The following PIP4K2A variants were observed in gnomAD, a reference collection of about 807,000 sequenced individuals.
PIP4K2A encodes phosphatidylinositol 5-phosphate 4-kinase type-2 alpha.
Under a neutral mutation model 42.9 loss-of-function variants are expected in PIP4K2A, and 14 were observed. That is an observed-to-expected ratio of 0.33 (90% CI 0.22 to 0.51). The LOEUF (loss-of-function observed/expected upper bound fraction) is 0.51, where lower values mean the gene tolerates loss of function less well. Among genes scored for constraint, PIP4K2A ranks in the 20% least tolerant of loss-of-function variants. PIP4K2A has a pLI of 0.97. For missense variants in PIP4K2A, 434 were observed against 519.8 expected (o/e 0.83, Z 1.61); for synonymous variants, 192 against 192.2 (o/e 1.00, Z 0.01).
At chr10:22,538,842 T>G (rs1320952909) in intron 9 of PIP4K2A, among the ~76,000 whole-genome samples, 2 of 152,246 alleles carry the variant, frequency 1.3e-5, no homozygotes, top group African/African-American at 4.8e-5. Context: ...ACAGCAGGAA[T>G]ACCATAGCTA....
At chr10:22,562,714 C>T (rs1012252180) in intron 6 of PIP4K2A, among the ~76,000 whole-genome samples, 8 of 152,196 alleles carry the variant, frequency 5.3e-5, no homozygotes, top group Admixed American at 6.5e-5. Flanking sequence ...TCGTTCTAGA[C>T]GTGCTTCTCT....
chr10:22,568,922 G>T, intron 5 of PIP4K2A: 1 of 1,009,742 alleles, frequency 9.9e-7, no homozygotes, highest in Non-Finnish European at 1.5e-6. Context: ...CTATCGTGAG[G>T]TCAGCCAAGC....
intron 1 of PIP4K2A, among the ~76,000 whole-genome samples, chr10:22,677,522 T>G (rs531826344): frequency 1.2e-4 from 19 of 152,308 alleles, no homozygotes; most frequent in Middle Eastern, 3.4e-3. Flanking sequence ...CAGCCACACG[T>G]GGCTCGTGGC....
chr10:22,616,181 G>C (rs796147192), intron 1 of PIP4K2A, among the ~76,000 whole-genome samples: 4 of 152,288 alleles, frequency 2.6e-5, no homozygotes, highest in African/African-American at 9.6e-5. Flanking sequence ...ACTCAAGAGT[G>C]GGGGCAGGGG....
chr10:22,650,381 G>T (rs1017374268), intron 1 of PIP4K2A, among the ~76,000 whole-genome samples: 8 of 152,110 alleles, frequency 5.3e-5, no homozygotes, highest in African/African-American at 1.9e-4. Flanking sequence ...TCAGCCTCCG[G>T]AGTAGCTGGG....
chr10:22,613,968 T>G (rs927776110), intron 1 of PIP4K2A, among the ~76,000 whole-genome samples: 6 of 152,200 alleles, frequency 3.9e-5, no homozygotes, highest in Non-Finnish European at 8.8e-5. Context: ...GACCTTCACA[T>G]GTAGTAAAAT....
At chr10:22,588,637 A>AAATGAATG (rs746828505) in intron 4 of PIP4K2A, among the ~76,000 whole-genome samples, 127 of 152,348 alleles carry the variant, frequency 8.3e-4, no homozygotes, top group Non-Finnish European at 1.4e-3. Flanking sequence ...ATACATGAAT[A>AAATGAATG]AATGAATGAA....
chr10:22,693,766 GTTTC>G (rs1195293418), intron 1 of PIP4K2A, among the ~76,000 whole-genome samples: 1 of 151,644 alleles, frequency 6.6e-6, no homozygotes, highest in Non-Finnish European at 1.5e-5. Flanking sequence ...ACTGAGCACT[GTTTC>G]TTTATTTTAC....
intron 1 of PIP4K2A, among the ~76,000 whole-genome samples, chr10:22,647,874 G>C (rs1156800016): frequency 6.6e-6 from 1 of 152,206 alleles, no homozygotes; most frequent in African/African-American, 2.4e-5. Context: ...TGGAAGCAGA[G>C]AGCTGGGAAA....
At chr10:22,615,782 ATGGT>A (rs969196174) in intron 1 of PIP4K2A, among the ~76,000 whole-genome samples, 3 of 152,202 alleles carry the variant, frequency 2.0e-5, no homozygotes, top group African/African-American at 7.2e-5. Flanking sequence ...CAAATACTTA[ATGGT>A]TGTCAATCCC....
At chr10:22,566,182 T>C (rs1263887000) in intron 6 of PIP4K2A, among the ~76,000 whole-genome samples, 1 of 152,172 alleles carries the variant, frequency 6.6e-6, no homozygotes, top group Non-Finnish European at 1.5e-5. Context: ...ACTTGCTGTT[T>C]TTTGTGGCTT....
chr10:22,548,294 T>C (rs544338471), intron 7 of PIP4K2A, among the ~76,000 whole-genome samples: 33 of 152,332 alleles, frequency 2.2e-4, no homozygotes, highest in Non-Finnish European at 4.1e-4. Context: ...GCTTGAGCCA[T>C]GTATGGGATT....
intron 4 of PIP4K2A, among the ~76,000 whole-genome samples, chr10:22,580,215 G>A (rs1325437410): frequency 6.6e-6 from 1 of 151,962 alleles, no homozygotes; most frequent in Non-Finnish European, 1.5e-5. Flanking sequence ...TATAAAGTGA[G>A]ATTAGTGTAA....
intron 2 of PIP4K2A, 87 bp downstream of exon 2, chr10:22,609,533 T>C (rs1184454554): frequency 2.6e-6 from 2 of 765,970 alleles, no homozygotes; most frequent in African/African-American, 1.7e-5. Context: ...CTCCCACCCA[T>C]TGACAAATTA....
Position 22,714,342 on chromosome 10 carries a change from C to T in PIP4K2A, c.-16G>A. 2 of 1,577,312 alleles carry T rather than the reference C, an allele frequency of 1.3e-6. No individual in the cohort carries two copies. Among genetic ancestry groups the T allele is most frequent in the Non-Finnish European group, 8.6e-7 (1 of 1,161,320 alleles). On this transcript the variant is annotated 5_prime_UTR_variant, in exon 1 of 10. Coordinates refer to ENST00000376573, the MANE Select transcript of PIP4K2A (RefSeq NM_005028.5). Reference sequence around the variant, plus strand: ...GGGTCGCCATGGCCGCCTCCTATGTCCCCTCCACCGCCGTGCTCCCGAGGC... The same window carrying T: ...GGGTCGCCATGGCCGCCTCCTATGTTCCCTCCACCGCCGTGCTCCCGAGGC...
intron 1 of PIP4K2A, among the ~76,000 whole-genome samples, chr10:22,634,239 T>C (rs1838614421): frequency 6.6e-6 from 1 of 152,328 alleles, no homozygotes; most frequent in East Asian, 1.9e-4. Context: ...AGAAGTGGCC[T>C]TGCCTGTTTC....
chr10:22,626,904 T>G (rs1454563387), intron 1 of PIP4K2A, among the ~76,000 whole-genome samples: 1 of 152,210 alleles, frequency 6.6e-6, no homozygotes, highest in African/African-American at 2.4e-5. Context: ...AAATATGTCA[T>G]GCCAATTAAT....
At position 22,538,411 on chromosome 10, in the gene PIP4K2A, G is replaced by A. The variant is rs1374791318; in HGVS notation, c.1141-1130C>T. On this transcript the variant is annotated intron_variant, in intron 9 of 9. Coordinates refer to ENST00000376573, the MANE Select transcript of PIP4K2A (RefSeq NM_005028.5). ...AGGATACACTCCAATTTCACAGGAT[G>A]TATAATATGGGAACAGACATTTACA... 2.6e-5 allele frequency among the ~76,000 whole-genome samples: 4 copies of A among 150,956 alleles called. No homozygotes were observed. In the East Asian group the frequency reaches 5.8e-4, roughly 22 times the overall value.
rs1564459848 is a variant in PIP4K2A at position 22,664,080 on chromosome 10, TATATATATAC to T, written c.144+50093_144+50102del. On this transcript the variant is annotated intron_variant, in intron 1 of 9. Transcript: ENST00000376573. Reference sequence around the variant, plus strand: ...ATATATACATATATATATATACGTATATATATATACATATATATATATACATATATATATA... The same window carrying T: ...ATATATACATATATATATATACGTATATATATATATATACATATATATATA... Among the ~76,000 whole-genome samples, 191 of 73,826 alleles carry T rather than the reference TATATATATAC, an allele frequency of 2.6e-3. 18 individuals are homozygous for T. The highest frequency in any genetic ancestry group is 0.019 in the African/African-American group (186 of 9,812). The allele number at this position is 73,826 out of a possible 152,430, so 48.4% of individuals were successfully genotyped here. A position where few individuals can be genotyped will look rare whatever the true frequency, so the allele number is the denominator to read the frequency against.
Sources: allele counts gnomAD v4.1 joint callset (sites outside exome capture counted in the v4.1 genomes callset), GRCh38; gene constraint gnomAD v4.1.1; transcripts MANE v1.5; gene names NCBI Gene and HGNC (gene_info 2026-07-23, HGNC 2026-07-21).